Variants in PIWIL1 observed in about 807,000 individuals in gnomAD.
PIWIL1 encodes the protein piwi-like protein 1.
Under a neutral mutation model 114.4 loss-of-function variants are expected in PIWIL1, and 73 were observed. The ratio of observed to expected loss-of-function variants is 0.64; its 90% CI spans 0.53 to 0.78. The LOEUF (loss-of-function observed/expected upper bound fraction) is 0.78, where lower values mean the gene tolerates loss of function less well. Among genes scored for constraint, PIWIL1 ranks in the 30% least tolerant of loss-of-function variants. The pLI, the probability that PIWIL1 is intolerant of heterozygous loss-of-function variation, is 0.00. For missense variants in PIWIL1, 723 were observed against 1,063.1 expected (o/e 0.68, Z 4.45); for synonymous variants, 375 against 369.0 (o/e 1.02, Z -0.19).
the PIWIL1 span, among the ~76,000 whole-genome samples, chr12:130,378,865 A>G: frequency 6.6e-6 from 1 of 152,362 alleles, no homozygotes; most frequent in African/African-American, 2.4e-5. Flanking sequence ...TGTTGTAGAC[A>G]TGCACTGTGA....
intron 9 of PIWIL1, among the ~76,000 whole-genome samples, chr12:130,353,559 A>G (rs905540965): frequency 9.2e-5 from 14 of 152,184 alleles, no homozygotes; most frequent in East Asian, 1.9e-4. Context: ...AGAGAACTCA[A>G]ACAAAGTCTG....
At chr12:130,425,043 A>C in the PIWIL1 span, 2 of 396,200 alleles carry the variant, frequency 5.0e-6, no homozygotes, top group Non-Finnish European at 8.8e-6. Context: ...AGAATGGGTT[A>C]CGGGGCTGGG....
intron 19 of PIWIL1, among the ~76,000 whole-genome samples, chr12:130,370,214 G>A (rs2136199950): frequency 6.7e-6 from 1 of 149,676 alleles, no homozygotes; most frequent in Middle Eastern, 3.4e-3. Flanking sequence ...CAATATCTCT[G>A]GATTGATATT....
the PIWIL1 span, among the ~76,000 whole-genome samples, chr12:130,405,162 GA>G: frequency 6.6e-6 from 1 of 152,236 alleles, no homozygotes; most frequent in East Asian, 1.9e-4. Flanking sequence ...ATGCAAACGT[GA>G]AATTCATCCT....
the PIWIL1 span, among the ~76,000 whole-genome samples, chr12:130,387,703 C>A: frequency 1.6e-4 from 25 of 151,946 alleles, no homozygotes; most frequent in African/African-American, 4.8e-4. Context: ...CTCCATTCAC[C>A]CATGCACACC....
chr12:130,347,587 C>T (rs1232198578), intron 6 of PIWIL1, among the ~76,000 whole-genome samples: 1 of 152,164 alleles, frequency 6.6e-6, no homozygotes, highest in African/African-American at 2.4e-5. Context: ...TCTGTAATTT[C>T]CCTCTTTAAG....
At chr12:130,403,385 G>T in the PIWIL1 span, among the ~76,000 whole-genome samples, 190 of 152,226 alleles carry the variant, frequency 1.2e-3, 1 homozygote, top group African/African-American at 4.3e-3. Context: ...GACTATTCAA[G>T]AAACTAAGAA....
At chr12:130,423,686 T>G in the PIWIL1 span, among the ~76,000 whole-genome samples, 3 of 136,268 alleles carry the variant, frequency 2.2e-5, no homozygotes, top group Non-Finnish European at 4.7e-5. Context: ...ATAGATTTCT[T>G]CAATCTTTTT....
At chr12:130,397,813 A>G in the PIWIL1 span, 1 of 285,096 alleles carries the variant, frequency 3.5e-6, no homozygotes, top group African/African-American at 2.2e-5. Flanking sequence ...TAAGGCAGGT[A>G]ATAATTCACT....
At chr12:130,362,655 C>A in intron 16 of PIWIL1, 111 bp from the exon 17 acceptor site, 3 of 869,864 alleles carry the variant, frequency 3.4e-6, no homozygotes, top group Middle Eastern at 2.4e-4. Context: ...GTCTTTAAGG[C>A]AGTTACAAAG....
chr12:130,358,760 G>A (rs558136385), intron 14 of PIWIL1, among the ~76,000 whole-genome samples: 1 of 152,300 alleles, frequency 6.6e-6, no homozygotes, highest in East Asian at 1.9e-4. Flanking sequence ...TCTATAAATT[G>A]TTGGTTAGAA....
chr12:130,349,370 A>C lies in PIWIL1; in HGVS notation c.866A>C (p.Gln289Pro). ...VLDFMFNFYH[Q>P]TEEHKFQEQV... ...GATTTCATGTTCAACTTTTATCATC[A>C]GACAGAAGAACATAAATTTCAAGAA... The change falls in exon 8 of 21, where the codon CAG (glutamine) becomes CCG (proline). Residue 289 changes from glutamine to proline, a missense_variant. Physicochemically the swap from Gln to Pro is moderately conservative, Grantham distance 76. Transcript: ENST00000245255. The C allele has an allele frequency of 6.2e-7, 1 of 1,613,712 alleles. No individual in the cohort carries two copies. The highest frequency in any genetic ancestry group is 8.5e-7 in the Non-Finnish European group (1 of 1,179,640).
the PIWIL1 span, chr12:130,424,803 G>C: frequency 1.6e-6 from 2 of 1,232,734 alleles, no homozygotes; most frequent in East Asian, 6.3e-5. This position sits in a 1 kb window ranked among gnomAD's most constrained non-coding sequence, Gnocchi z 9.8. Flanking sequence ...GGGCTGGTGG[G>C]GAAACTCGGG....
the PIWIL1 span, among the ~76,000 whole-genome samples, chr12:130,378,439 A>C: frequency 6.6e-6 from 1 of 152,194 alleles, no homozygotes; most frequent in South Asian, 2.1e-4. Context: ...AACACTGTTG[A>C]GGATTTTGTG....
At chr12:130,406,597 C>T in the PIWIL1 span, among the ~76,000 whole-genome samples, 14 of 152,324 alleles carry the variant, frequency 9.2e-5, no homozygotes, top group South Asian at 2.1e-4. Context: ...AGGACCATTA[C>T]GTAAATATCC....
chr12:130,352,618 T>C (rs2073242019), intron 9 of PIWIL1, among the ~76,000 whole-genome samples: 1 of 152,184 alleles, frequency 6.6e-6, no homozygotes, highest in Non-Finnish European at 1.5e-5. Context: ...AGACGGAGGT[T>C]GCAGTGAGCC....
rs76643431 is a variant in PIWIL1 at position 130,340,136 on chromosome 12, T to G, written c.-13+1990T>G. On this transcript the variant is annotated intron_variant, in intron 1 of 20. Transcript: ENST00000245255. ...GGCTTTCGGAGAAGGGAGCAAGGGA[T>G]GGCCTGCGAGCTGGTCCTTAAGCGG... is the stretch of plus-strand genomic sequence containing the variant. Among the ~76,000 whole-genome samples the G allele has an allele frequency of 1.8e-4, 28 of 152,238 alleles. 1 individual carries two copies. In the East Asian group the frequency reaches 5.4e-3, roughly 30 times the overall value.
chr12:130,357,028 T>C lies in PIWIL1; in HGVS notation c.1515T>C (p.Tyr505=), dbSNP rs748410507. Residue 505 remains tyrosine (Y), a synonymous_variant, in exon 13 of 21, where the codon TAT becomes TAC. Transcript: ENST00000245255. ...TGTTGATCTATACGCGAAGAAATTA[T>C]GAAGCAGCCAATTCATTGATACAAA... The part of the protein sequence containing the change: ...NWLLIYTRRN[Y]EAANSLIQNL... 1 of 1,613,916 alleles carries C rather than the reference T, an allele frequency of 6.2e-7. No homozygotes were observed. The highest frequency in any genetic ancestry group is 8.5e-7 in the Non-Finnish European group (1 of 1,179,888).
the PIWIL1 span, chr12:130,425,538 C>A: frequency 6.6e-6 from 1 of 152,664 alleles, no homozygotes; most frequent in East Asian, 1.9e-4. Context: ...TGCATCAAGT[C>A]CCTGAGAGCC....
Sources: allele counts gnomAD v4.1 joint callset (sites outside exome capture counted in the v4.1 genomes callset), GRCh38; gene constraint gnomAD v4.1.1; non-coding constraint Gnocchi (gnomAD v3.1); transcripts MANE v1.5; gene names NCBI Gene and HGNC (gene_info 2026-07-23, HGNC 2026-07-21).